Variants in LRBA observed in about 807,000 individuals in gnomAD.
LRBA encodes the protein LPS responsive beige-like anchor protein.
A neutral mutation model predicts 330.0 loss-of-function variants in LRBA; 176 were observed. The ratio of observed to expected loss-of-function variants is 0.53; its 90% CI spans 0.47 to 0.60. LRBA has a LOEUF of 0.60. LRBA is among the 20% of genes least tolerant of loss of function. LRBA has a pLI of 0.00. For synonymous variants in LRBA, 1,230 were observed against 1,193.0 expected, an observed-to-expected ratio of 1.03 and a Z score of -0.64; for missense variants, 3,259 against 3,444.8, an observed-to-expected ratio of 0.95 and a Z score of 1.35.
chr4:150,571,450 C>T (rs1207985851), intron 40 of LRBA, among the ~76,000 whole-genome samples: 1 of 151,824 alleles, frequency 6.6e-6, no homozygotes, highest in Non-Finnish European at 1.5e-5. Flanking sequence ...ATAAAACTTC[C>T]CTAAATATTA....
rs143144541 is a variant in LRBA at position 150,688,518 on chromosome 4, A to G, written c.5755-4801T>C. Among the ~76,000 whole-genome samples the G allele has an allele frequency of 4.4e-3, 672 of 152,332 alleles. 7 individuals are homozygous for G. Among genetic ancestry groups the G allele is most frequent in the African/African-American group, 0.015 (641 of 41,576 alleles). ...AAACTATCATCAGGGTAAACAGACAACCTACAGAATGAAAGAAAATTTTTC... is the reference window on the plus strand; with the variant it reads ...AAACTATCATCAGGGTAAACAGACAGCCTACAGAATGAAAGAAAATTTTTC... On this transcript the variant is annotated intron_variant, in intron 36 of 56. Transcript: ENST00000651943.
At chr4:150,448,786 G>A (rs1392395024) in intron 44 of LRBA, among the ~76,000 whole-genome samples, 1 of 96,390 alleles carries the variant, frequency 1.0e-5, no homozygotes, top group Admixed American at 1.8e-4. Flanking sequence ...TGAGCAATAA[G>A]AGTGAAACAG....
At chr4:150,670,798 C>T (rs1325515445) in intron 37 of LRBA, among the ~76,000 whole-genome samples, 1 of 152,066 alleles carries the variant, frequency 6.6e-6, no homozygotes, top group African/African-American at 2.4e-5. Flanking sequence ...CTAGAGTTTC[C>T]TCTCCTTATT....
intron 37 of LRBA, among the ~76,000 whole-genome samples, chr4:150,650,318 T>C (rs1779588635): frequency 1.3e-5 from 2 of 152,174 alleles, no homozygotes; most frequent in African/African-American, 4.8e-5. Context: ...ATTTAAAAAC[T>C]GAGAAAATTT....
chr4:150,282,092 G>A (rs1054861510), intron 55 of LRBA, among the ~76,000 whole-genome samples: 1 of 152,180 alleles, frequency 6.6e-6, no homozygotes, highest in Non-Finnish European at 1.5e-5. Flanking sequence ...GTCATCTAAT[G>A]TACTATTTCA....
intron 44 of LRBA, among the ~76,000 whole-genome samples, chr4:150,458,406 G>A (rs748005744): frequency 3.3e-5 from 5 of 151,638 alleles, no homozygotes; most frequent in Admixed American, 2.0e-4. Flanking sequence ...CATTGAACAC[G>A]TAATAATTCA....
At chr4:150,492,390 T>C (rs1759071250) in intron 40 of LRBA, among the ~76,000 whole-genome samples, 1 of 152,110 alleles carries the variant, frequency 6.6e-6, no homozygotes, top group South Asian at 2.1e-4. Flanking sequence ...GAAATCCTAC[T>C]AATTCAGTAA....
chr4:150,272,426 T>A (rs888036659), intron 56 of LRBA, among the ~76,000 whole-genome samples: 1 of 151,900 alleles, frequency 6.6e-6, no homozygotes, highest in Non-Finnish European at 1.5e-5. Flanking sequence ...CTCCAAAGGA[T>A]TACAACTCCT....
intron 2 of LRBA, among the ~76,000 whole-genome samples, chr4:150,993,758 C>T (rs1040570008): frequency 5.3e-5 from 8 of 152,112 alleles, no homozygotes; most frequent in African/African-American, 1.9e-4. Context: ...TTCACTACCA[C>T]GAGAACAGTA....
At chr4:150,881,340 A>C (rs1298964975) in intron 17 of LRBA, among the ~76,000 whole-genome samples, 1 of 152,212 alleles carries the variant, frequency 6.6e-6, no homozygotes, top group East Asian at 1.9e-4. Context: ...CAGCCATAAA[A>C]ATAAACCAAA....
chr4:150,376,450 A>G (rs547940623), intron 47 of LRBA, among the ~76,000 whole-genome samples: 2 of 152,358 alleles, frequency 1.3e-5, no homozygotes, highest in South Asian at 4.1e-4. Context: ...AAATACAAAA[A>G]TAGTAAAAGA....
At chr4:150,368,629 A>T (rs904439872) in intron 47 of LRBA, among the ~76,000 whole-genome samples, 12 of 152,178 alleles carry the variant, frequency 7.9e-5, no homozygotes, top group African/African-American at 2.9e-4. Context: ...AAATCACTAA[A>T]ATGTTTGAAA....
chr4:150,579,341 G>C (rs1430274961), intron 40 of LRBA: 1 of 455,784 alleles, frequency 2.2e-6, no homozygotes, highest in African/African-American at 2.0e-5. Context: ...TGCTCTTAGA[G>C]CAGAGGCAGC....
chr4:150,329,757 T>C (rs1733747443), intron 48 of LRBA, among the ~76,000 whole-genome samples: 1 of 152,196 alleles, frequency 6.6e-6, no homozygotes, highest in African/African-American at 2.4e-5. Flanking sequence ...AAATACTATT[T>C]TTTATTTTAG....
intron 42 of LRBA, among the ~76,000 whole-genome samples, chr4:150,476,896 A>G (rs374927479): frequency 1.3e-5 from 2 of 152,174 alleles, no homozygotes; most frequent in African/African-American, 2.4e-5. Context: ...TAGAAAACTG[A>G]TAACAGGACT....
chr4:150,361,270 G>A (rs760509145), intron 47 of LRBA, among the ~76,000 whole-genome samples: 1 of 152,020 alleles, frequency 6.6e-6, no homozygotes, highest in Non-Finnish European at 1.5e-5. Context: ...TAGTTAATAG[G>A]GTCAGTCTTT....
intron 47 of LRBA, among the ~76,000 whole-genome samples, chr4:150,362,287 A>C (rs1738824849): frequency 6.6e-6 from 1 of 151,976 alleles, no homozygotes; most frequent in South Asian, 2.1e-4. Context: ...AAGCCTCCTA[A>C]ATATCTTCCC....
chr4:150,831,050 C>T (rs1747104977), intron 29 of LRBA, among the ~76,000 whole-genome samples: 1 of 152,068 alleles, frequency 6.6e-6, no homozygotes, highest in African/African-American at 2.4e-5. Flanking sequence ...CTGGCGTGAA[C>T]TACCAAGCCC....
At chr4:150,652,450 T>C (rs1384646447) in intron 37 of LRBA, among the ~76,000 whole-genome samples, 1 of 152,214 alleles carries the variant, frequency 6.6e-6, no homozygotes, top group Non-Finnish European at 1.5e-5. Flanking sequence ...TATGCTCTTG[T>C]TCTTGTAACA....
Sources: allele counts gnomAD v4.1 joint callset (sites outside exome capture counted in the v4.1 genomes callset), GRCh38; gene constraint gnomAD v4.1.1; transcripts MANE v1.5; gene names NCBI Gene and HGNC (gene_info 2026-07-23, HGNC 2026-07-21).